CCDC63: variants seen among roughly 807,000 people sequenced by gnomAD.
CCDC63 encodes coiled-coil domain-containing protein 63.
A neutral mutation model predicts 63.6 loss-of-function variants in CCDC63; 54 were observed. That is an observed-to-expected ratio of 0.85 (90% CI 0.68 to 1.07). The LOEUF is 1.07. Among genes scored for constraint, CCDC63 ranks in the 50% least tolerant of loss-of-function variants. CCDC63 has a pLI of 0.00. For missense variants in CCDC63, 637 were observed against 689.6 expected, an observed-to-expected ratio of 0.92 and a Z score of 0.86; for synonymous variants, 253 against 266.1, an observed-to-expected ratio of 0.95 and a Z score of 0.48.
intron 4 of CCDC63, among the ~76,000 whole-genome samples, chr12:110,872,992 G>A (rs1368523030): frequency 1.3e-5 from 2 of 152,174 alleles, no homozygotes; most frequent in African/African-American, 4.8e-5. Flanking sequence ...CCAGCACTTT[G>A]GGATGCTGAG....
Position 110,880,009 on chromosome 12 carries a change from A to G in CCDC63, c.593A>G (p.Gln198Arg), listed in dbSNP as rs2071177438. 1.2e-6 allele frequency: 2 copies of G among 1,614,240 alleles called. No individual in the cohort carries two copies. Among genetic ancestry groups the G allele is most frequent in the East Asian group, 4.5e-5 (2 of 44,892 alleles). Residue 198 changes from glutamine (Q) to arginine (R), a missense_variant, in exon 6 of 12, where the codon CAG (glutamine) becomes CGG (arginine). Coordinates refer to ENST00000308208, the MANE Select transcript of CCDC63 (RefSeq NM_152591.3). ...EKAAYDNVYQ[Q>R]LQHCLLMEKK... ...GCTGCTTATGACAATGTCTACCAGC[A>G]GCTCCAGCACTGCCTGTTGATGGAG...
chr12:110,863,905 G>T (rs2070899935), intron 4 of CCDC63, among the ~76,000 whole-genome samples: 1 of 152,136 alleles, frequency 6.6e-6, no homozygotes, highest in East Asian at 1.9e-4. Context: ...TTCTTTACTG[G>T]TCTGCTCCTC....
intron 8 of CCDC63, among the ~76,000 whole-genome samples, chr12:110,892,720 G>A (rs551312976): frequency 8.5e-5 from 13 of 152,208 alleles, no homozygotes; most frequent in Non-Finnish European, 1.2e-4. Flanking sequence ...GGAGGCTGGG[G>A]CAGGAGAATC....
At chr12:110,871,761 G>A (rs939521597) in intron 4 of CCDC63, among the ~76,000 whole-genome samples, 1 of 152,026 alleles carries the variant, frequency 6.6e-6, no homozygotes, top group Admixed American at 6.6e-5. Context: ...TGCAGTGTCT[G>A]GAAGGCTTCC....
intron 3 of CCDC63, among the ~76,000 whole-genome samples, chr12:110,857,273 C>T (rs1331735930): frequency 6.6e-6 from 1 of 151,624 alleles, no homozygotes; most frequent in African/African-American, 2.4e-5. Context: ...TTACAGGCGC[C>T]CACCACCCCC....
rs148002147 is a variant in CCDC63 at position 110,891,406 on chromosome 12, G to A, written c.1075-1670G>A. Among the ~76,000 whole-genome samples the A allele has an allele frequency of 2.2e-3, 340 of 152,068 alleles. 1 individual carries two copies. The highest frequency in any genetic ancestry group is 7.5e-3 in the African/African-American group (313 of 41,508). ...TGGCTCACACCTGTAATTCCAGCAT[G>A]TTGGGAGGCTGAGGCAGGAAGATTA... On this transcript the variant is annotated intron_variant, in intron 8 of 11. Transcript: ENST00000308208.
intron 3 of CCDC63, among the ~76,000 whole-genome samples, 189 bp downstream of exon 3, chr12:110,853,763 A>G (rs886914881): frequency 1.3e-5 from 2 of 152,156 alleles, no homozygotes; most frequent in African/African-American, 4.8e-5. Context: ...GCTTCAGTGA[A>G]GAGGGGGAAT....
chr12:110,905,689 A>G (rs1028399696), intron 11 of CCDC63, among the ~76,000 whole-genome samples: 4 of 150,646 alleles, frequency 2.7e-5, no homozygotes, highest in Non-Finnish European at 5.9e-5. Flanking sequence ...TGCCCTTGAT[A>G]TTAAGACAAA....
chr12:110,864,668 A>G, intron 4 of CCDC63, among the ~76,000 whole-genome samples: 1 of 150,830 alleles, frequency 6.6e-6, no homozygotes, highest in East Asian at 2.0e-4. Flanking sequence ...AGATCACGCC[A>G]CTGTACTCCA....
intron 9 of CCDC63, among the ~76,000 whole-genome samples, chr12:110,894,165 G>A (rs536525435): frequency 4.0e-4 from 61 of 151,732 alleles, no homozygotes; most frequent in African/African-American, 1.0e-3. Flanking sequence ...AGATCCAGCC[G>A]TTGCATATAC....
At chr12:110,895,022 C>G (rs1370594082) in intron 9 of CCDC63, among the ~76,000 whole-genome samples, 4 of 152,210 alleles carry the variant, frequency 2.6e-5, no homozygotes, top group African/African-American at 9.6e-5. Context: ...TCAAGCGATT[C>G]TCCTGCCTCC....
intron 10 of CCDC63, among the ~76,000 whole-genome samples, chr12:110,904,124 TG>T (rs1304005795): frequency 6.6e-6 from 1 of 152,080 alleles, no homozygotes; most frequent in Admixed American, 6.6e-5. Flanking sequence ...AGGAGGCTGA[TG>T]CGGAAGGATC....
intron 4 of CCDC63, 147 bp from the exon 5 acceptor site, chr12:110,873,695 T>G: frequency 1.0e-6 from 1 of 991,142 alleles, no homozygotes; most frequent in South Asian, 2.1e-5. Flanking sequence ...ACATTGCAGT[T>G]TTTGTCTGAG....
intron 4 of CCDC63, among the ~76,000 whole-genome samples, chr12:110,864,438 A>AAAAAG: frequency 6.7e-6 from 1 of 149,736 alleles, no homozygotes; most frequent in Admixed American, 6.6e-5. Flanking sequence ...AAAAAAAAAA[A>AAAAAG]AGAGACTGGG....
intron 1 of CCDC63, among the ~76,000 whole-genome samples, chr12:110,848,002 G>A (rs551086610): frequency 6.6e-4 from 100 of 152,366 alleles, no homozygotes; most frequent in African/African-American, 2.3e-3. Context: ...AGGGGCAGGA[G>A]GCCCTTGCCT....
rs1459858671 is a variant in CCDC63 at position 110,893,062 on chromosome 12, T to A, written c.1075-14T>A. 6.2e-7 allele frequency: 1 copy of A among 1,613,240 alleles called. No homozygotes were observed. Among genetic ancestry groups the A allele is most frequent in the Non-Finnish European group, 8.5e-7 (1 of 1,179,376 alleles). On this transcript the variant is annotated splice_polypyrimidine_tract_variant and intron_variant, in intron 8 of 11. Transcript: ENST00000308208. ...AGCCCACTTTTCCTCATGGTCTTGT[T>A]CTCTCCCGAGCAGGACGAGATCATC...
chr12:110,870,397 A>G (rs560784340), intron 4 of CCDC63, among the ~76,000 whole-genome samples: 134 of 152,294 alleles, frequency 8.8e-4, no homozygotes, highest in Middle Eastern at 6.8e-3. Context: ...TTAGGATTTC[A>G]CTAGTGTTTT....
intron 7 of CCDC63, 88 bp downstream of exon 7, chr12:110,881,384 A>G: frequency 7.4e-7 from 1 of 1,344,358 alleles, no homozygotes; most frequent in Non-Finnish European, 1.0e-6. Context: ...AAGGTGCCCA[A>G]GTCTCCTTGT....
intron 3 of CCDC63, among the ~76,000 whole-genome samples, chr12:110,854,747 G>C (rs1379833306): frequency 6.6e-6 from 1 of 152,146 alleles, no homozygotes; most frequent in Admixed American, 6.6e-5. Context: ...TTGTTAGAAA[G>C]GAAATCTTAC....
Sources: gnomAD v4.1 joint callset for allele counts (sites outside exome capture counted in the v4.1 genomes callset) on GRCh38, gnomAD v4.1.1 for gene constraint, MANE v1.5 for transcripts, NCBI Gene and HGNC (gene_info 2026-07-23, HGNC 2026-07-21) for gene names.